Variants in NEMF observed in about 807,000 individuals in gnomAD.
NEMF encodes the protein nuclear export mediator factor.
NEMF carries 89 observed loss-of-function variants against 162.2 expected under a neutral mutation model. That is an observed-to-expected ratio of 0.55 (90% CI 0.46 to 0.65). The LOEUF (loss-of-function observed/expected upper bound fraction) is 0.65, where lower values mean the gene tolerates loss of function less well. Among genes scored for constraint, NEMF ranks in the 30% least tolerant of loss-of-function variants. The pLI is 0.00. For missense variants in NEMF, 1,133 were observed against 1,261.9 expected (o/e 0.90, Z 1.55); for synonymous variants, 421 against 404.5 (o/e 1.04, Z -0.49).
chr14:49,834,175 C>T, intron 7 of NEMF, 188 bp downstream of exon 7: 1 of 592,572 alleles, frequency 1.7e-6, no homozygotes, highest in South Asian at 1.8e-5. Flanking sequence ...ACTGCAGCCT[C>T]AAACACCCAG....
At position 49,784,043 on chromosome 14, in the gene NEMF, A is replaced by ACAT. The variant is rs553869943; in HGVS notation, c.*590_*592dup. On this transcript the variant is annotated 3_prime_UTR_variant, in exon 33 of 33. Coordinates refer to ENST00000298310, the MANE Select transcript of NEMF (RefSeq NM_004713.6). The stretch of plus-strand genomic sequence containing the variant: ...AGCCACTTCACTGTTCAGTTTCTTT[A>ACAT]CATCATGAAATGAATACTTGGTATT... 15 of 152,130 alleles carry ACAT rather than the reference A, an allele frequency of 9.9e-5. No individual in the cohort carries two copies. The South Asian group carries it at 3.1e-3, about 32-fold the overall frequency. 9.4% of individuals were successfully genotyped at this position (152,130 alleles called of 1,614,324 possible).
intron 26 of NEMF, among the ~76,000 whole-genome samples, chr14:49,794,718 CTT>C (rs10645758): frequency 1.3e-4 from 18 of 137,640 alleles, no homozygotes; most frequent in African/African-American, 3.2e-4. Flanking sequence ...ACTGCTACAG[CTT>C]TTTTTTTTTT....
chr14:49,804,667 T>TA (rs11427093), intron 19 of NEMF, among the ~76,000 whole-genome samples: 140,066 of 148,464 alleles, frequency 0.94, 66,465 homozygotes, highest in South Asian at 0.99. Flanking sequence ...TTCCATCTCA[T>TA]AAAAAAAAAA....
chr14:49,827,035 A>G (rs2139957555), intron 15 of NEMF, among the ~76,000 whole-genome samples: 1 of 152,278 alleles, frequency 6.6e-6, no homozygotes, highest in East Asian at 1.9e-4. Context: ...ATCCCAGTGT[A>G]GCCAGAAAGA....
rs567318940 is a variant in NEMF at position 49,833,510 on chromosome 14, A to G, written c.662-14T>C. 1.5e-5 allele frequency: 22 copies of G among 1,508,996 alleles called. No homozygotes were observed. The East Asian group carries it at 2.1e-4, about 14-fold the overall frequency. 93.5% of individuals were successfully genotyped at this position (1,508,996 alleles called of 1,614,324 possible). A position where few individuals can be genotyped will look rare whatever the true frequency, so the allele number is the denominator to read the frequency against. ...CTTTTTCAATATCTAATGGTGGGGG[A>G]AAAAAAGGAAAAAAGGAGTGCCAAT... On this transcript the variant is annotated splice_polypyrimidine_tract_variant and intron_variant, in intron 7 of 32. Transcript: ENST00000298310.
intron 18 of NEMF, 102 bp from the exon 19 acceptor site, chr14:49,806,235 T>TATATATATATATATATAC (rs1426306149): frequency 8.6e-5 from 1 of 11,596 alleles, no homozygotes; most frequent in Non-Finnish European, 1.7e-4. Flanking sequence ...GATATGTGTA[T>TATATATATATATATATAC]ATATATATAT....
chr14:49,787,705 T>A (rs1395461149), intron 28 of NEMF, among the ~76,000 whole-genome samples: 1 of 152,222 alleles, frequency 6.6e-6, no homozygotes, highest in African/African-American at 2.4e-5. Flanking sequence ...TAGCACCTAC[T>A]CATGAAAGAA....
At chr14:49,786,525 C>T in intron 29 of NEMF, 193 bp downstream of exon 29, 1 of 580,758 alleles carries the variant, frequency 1.7e-6, no homozygotes, top group Non-Finnish European at 3.0e-6. Context: ...GATGAGGAAA[C>T]TGAGGCACAA....
At chr14:49,850,644 G>C (rs962975850) in intron 3 of NEMF, among the ~76,000 whole-genome samples, 11 of 151,160 alleles carry the variant, frequency 7.3e-5, no homozygotes, top group African/African-American at 2.7e-4. Context: ...GTAAAAATCT[G>C]TTTTAATAGT....
intron 18 of NEMF, among the ~76,000 whole-genome samples, chr14:49,811,272 A>T (rs1395383295): frequency 6.6e-6 from 1 of 152,230 alleles, no homozygotes; most frequent in Non-Finnish European, 1.5e-5. Flanking sequence ...AGTGTACAGA[A>T]ATACAACTGA....
In NEMF at chr14:49,788,596, C is replaced by T. The variant is rs192209538; in HGVS notation, c.2895+550G>A. On this transcript the variant is annotated intron_variant, in intron 28 of 32. Transcript: ENST00000298310. ...TTTTTGAGATGGAGTCTCGCTCTGTCGCCCAGGCTGGAGTGCAGTGGCACA... is the reference window on the plus strand; with the variant it reads ...TTTTTGAGATGGAGTCTCGCTCTGTTGCCCAGGCTGGAGTGCAGTGGCACA... Among the ~76,000 whole-genome samples the T allele has an allele frequency of 5.5e-3, 790 of 143,982 alleles. 11 individuals carry two copies. The highest frequency in any genetic ancestry group is 0.011 in the East Asian group (54 of 4,900). The allele number at this position is 143,982 out of a possible 152,430, so 94.5% of individuals were successfully genotyped here.
chr14:49,784,902 C>A, intron 32 of NEMF, 23 bp downstream of exon 32: 1 of 1,596,890 alleles, frequency 6.3e-7, no homozygotes, highest in Admixed American at 1.7e-5. Flanking sequence ...TCTCCACATT[C>A]CTTTTCTGAA....
In NEMF at chr14:49,833,486, T is replaced by C. The variant is rs1239078820; in HGVS notation, c.672A>G (p.Lys224=). 6.3e-7 allele frequency: 1 copy of C among 1,576,136 alleles called. No homozygotes were observed. The highest frequency in any genetic ancestry group is 8.7e-7 in the Non-Finnish European group (1 of 1,155,380). ...CTGCTTTCTGCAGAGAAACAAGTACTTTTTCAATATCTAATGGTGGGGGAA... is the reference window on the plus strand; with the variant it reads ...CTGCTTTCTGCAGAGAAACAAGTACCTTTTCAATATCTAATGGTGGGGGAA... ...DEKLETKDIE[K]VLVSLQKAED... is the part of the protein sequence containing the mutation. Residue 224 remains lysine, a synonymous_variant, in exon 8 of 33, where the codon AAA becomes AAG. Transcript: ENST00000298310.
At chr14:49,839,222 C>T (rs765981334) in intron 5 of NEMF, among the ~76,000 whole-genome samples, 3 of 151,950 alleles carry the variant, frequency 2.0e-5, no homozygotes, top group African/African-American at 4.8e-5. Flanking sequence ...AAATTACAGG[C>T]ATGCACCACC....
Position 49,803,295 on chromosome 14 carries a change from C to G in NEMF, c.1858-1G>C. Reference sequence around the variant, plus strand: ...CTCCAGTTGGTGCTGTTTTAGATACCTGAAGAACACAATAATACATTATAT... The same window carrying G: ...CTCCAGTTGGTGCTGTTTTAGATACGTGAAGAACACAATAATACATTATAT... On this transcript the variant is annotated splice_acceptor_variant, in intron 19 of 32. Coordinates refer to ENST00000298310, the MANE Select transcript of NEMF (RefSeq NM_004713.6). LOFTEE classifies it high-confidence loss of function. 1 of 1,594,028 alleles carries G rather than the reference C, an allele frequency of 6.3e-7. No individual in the cohort carries two copies. The highest frequency in any genetic ancestry group is 8.6e-7 in the Non-Finnish European group (1 of 1,162,470).
At chr14:49,834,611 T>C (rs1170483043) in intron 6 of NEMF, among the ~76,000 whole-genome samples, 162 bp from the exon 7 acceptor site, 1 of 152,032 alleles carries the variant, frequency 6.6e-6, no homozygotes, top group Non-Finnish European at 1.5e-5. Flanking sequence ...GCCTCCTGAG[T>C]AGCTGGGATC....
Position 49,831,244 on chromosome 14 carries a change from C to T in NEMF, c.945+55G>A. On this transcript the variant is annotated intron_variant, in intron 11 of 32. Transcript: ENST00000298310. ...AGGCTACCCTTTCCTATATCATCTA[C>T]CCATCAAGCCGCTAAAGACTAGCTG... 3 of 932,600 alleles carry T rather than the reference C, an allele frequency of 3.2e-6. No homozygotes were observed. In the South Asian group the frequency reaches 4.1e-5, roughly 13 times the overall value. The allele number at this position is 932,600 out of a possible 1,614,324, so 57.8% of individuals were successfully genotyped here.
intron 9 of NEMF, 40 bp downstream of exon 9, chr14:49,832,167 C>G (rs1392165799): frequency 6.3e-7 from 1 of 1,596,472 alleles, no homozygotes; most frequent in Non-Finnish European, 8.5e-7. Context: ...AGAACATTAA[C>G]AAACATCCAA....
chr14:49,802,737 A>G lies in NEMF; in HGVS notation c.1916-10T>C. ...AGAAAATTCTTTTTTCCTACAAAAG[A>G]TAACGTACATTAATGCTTTGAAAAT... On this transcript the variant is annotated splice_polypyrimidine_tract_variant and intron_variant, in intron 20 of 32. Transcript: ENST00000298310. 2 of 1,598,498 alleles carry G rather than the reference A, an allele frequency of 1.3e-6. No homozygotes were observed.
Sources: gnomAD v4.1 joint callset for allele counts (sites outside exome capture counted in the v4.1 genomes callset) on GRCh38, gnomAD v4.1.1 for gene constraint, MANE v1.5 for transcripts, NCBI Gene and HGNC (gene_info 2026-07-23, HGNC 2026-07-21) for gene names.